Variants in MAGI2 observed in about 807,000 individuals in gnomAD.
The protein encoded by MAGI2 is membrane associated guanylate kinase, WW and PDZ domain containing 2.
Under a neutral mutation model 133.3 loss-of-function variants are expected in MAGI2, and 35 were observed. The observed-to-expected ratio is 0.26, with a 90% CI of 0.20 to 0.35. The LOEUF (loss-of-function observed/expected upper bound fraction) is 0.35, where lower values mean the gene tolerates loss of function less well. Ranked by LOEUF, MAGI2 falls within the 10% of genes least tolerant of loss-of-function variation. The pLI, the probability that MAGI2 is intolerant of heterozygous loss-of-function variation, is 1.00. For missense variants in MAGI2, 1,636 were observed against 1,863.4 expected (o/e 0.88, Z 2.25); for synonymous variants, 729 against 710.6 (o/e 1.03, Z -0.41).
chr7:78,031,282 G>A (rs1809541515), intron 21 of MAGI2, among the ~76,000 whole-genome samples: 1 of 152,122 alleles, frequency 6.6e-6, no homozygotes, highest in Admixed American at 6.5e-5. Flanking sequence ...CTTAATTATG[G>A]TAGTGATGAT....
intron 6 of MAGI2, among the ~76,000 whole-genome samples, chr7:78,426,084 G>A (rs917925899): frequency 1.3e-5 from 2 of 152,144 alleles, no homozygotes. Context: ...ATTAAGGAAA[G>A]TATGACCATA....
intron 2 of MAGI2, among the ~76,000 whole-genome samples, chr7:79,002,500 T>C (rs1806971272): frequency 6.6e-6 from 1 of 152,168 alleles, no homozygotes; most frequent in Non-Finnish European, 1.5e-5. Context: ...TCACTCATTA[T>C]GTGCCCAACA....
At chr7:78,490,948 G>A (rs1793548926) in intron 5 of MAGI2, among the ~76,000 whole-genome samples, 1 of 152,014 alleles carries the variant, frequency 6.6e-6, no homozygotes, top group Non-Finnish European at 1.5e-5. Flanking sequence ...AACATGAAAG[G>A]AAGAATAGAA....
chr7:78,077,815 C>T (rs1015840497), intron 21 of MAGI2, among the ~76,000 whole-genome samples: 6 of 141,580 alleles, frequency 4.2e-5, no homozygotes, highest in African/African-American at 1.4e-4. Flanking sequence ...CTGCAATCTC[C>T]GCCTCCTGGG....
chr7:78,844,674 G>A (rs1308766017), intron 2 of MAGI2, among the ~76,000 whole-genome samples: 4 of 151,852 alleles, frequency 2.6e-5, no homozygotes. Context: ...GCTAACAGGA[G>A]TGGGGTTTCT....
At position 78,629,216 on chromosome 7, in the gene MAGI2, G is replaced by A. The variant is rs561484816; in HGVS notation, c.419-1977C>T. Among the ~76,000 whole-genome samples the A allele has an allele frequency of 1.7e-3, 252 of 152,230 alleles. 1 individual carries two copies. Among genetic ancestry groups the A allele is most frequent in the African/African-American group, 5.8e-3 (240 of 41,526 alleles). On this transcript the variant is annotated intron_variant, in intron 2 of 21. Coordinates refer to ENST00000354212, the MANE Select transcript of MAGI2 (RefSeq NM_012301.4). ...TCTCCATCTTGCACTTCAGACCTCTGTGATTGAGTTCTTCCTTCTGTGACA... is the reference window on the plus strand; with the variant it reads ...TCTCCATCTTGCACTTCAGACCTCTATGATTGAGTTCTTCCTTCTGTGACA...
chr7:78,413,539 A>G (rs1013072566), intron 6 of MAGI2, among the ~76,000 whole-genome samples: 3 of 152,066 alleles, frequency 2.0e-5, no homozygotes, highest in Non-Finnish European at 4.4e-5. Flanking sequence ...AAACAGTTGG[A>G]AGTGTGATTC....
At chr7:78,174,575 A>G (rs1563216635) in intron 14 of MAGI2, among the ~76,000 whole-genome samples, 1 of 152,246 alleles carries the variant, frequency 6.6e-6, no homozygotes, top group Non-Finnish European at 1.5e-5. Flanking sequence ...CCCAAAGTGA[A>G]GTCTGGCCAT....
chr7:78,053,295 A>G (rs963385692), intron 21 of MAGI2, among the ~76,000 whole-genome samples: 6 of 152,236 alleles, frequency 3.9e-5, no homozygotes, highest in South Asian at 2.1e-4. Context: ...TTAGAACATT[A>G]GTCTTTCAAA....
At chr7:78,283,161 T>A (rs1438697921) in intron 9 of MAGI2, among the ~76,000 whole-genome samples, 1 of 152,262 alleles carries the variant, frequency 6.6e-6, no homozygotes, top group South Asian at 2.1e-4. Flanking sequence ...ATTTTCCTAG[T>A]ACAATGTGTT....
At chr7:78,104,551 CT>C (rs1294748943) in intron 20 of MAGI2, among the ~76,000 whole-genome samples, 1 of 152,052 alleles carries the variant, frequency 6.6e-6, no homozygotes, top group East Asian at 1.9e-4. Context: ...CTTCTACAGC[CT>C]AGTCCCATGC....
intron 1 of MAGI2, among the ~76,000 whole-genome samples, chr7:79,210,750 G>A (rs992146524): frequency 1.3e-5 from 2 of 151,712 alleles, no homozygotes; most frequent in African/African-American, 2.4e-5. Context: ...GCTCTCTTTG[G>A]GATGCACTTC....
chr7:79,136,028 GGAAA>G lies in MAGI2; in HGVS notation c.302-128826_302-128823del, dbSNP rs761493818. Reference sequence around the variant, plus strand: ...GAGAAAGAAAGAAAGAAAGAAAGAAGGAAAGAAAGAAAGAAAGAAGGAAAGAAAG... The same window carrying G: ...GAGAAAGAAAGAAAGAAAGAAAGAAGGAAAGAAAGAAAGAAGGAAAGAAAG... On this transcript the variant is annotated intron_variant, in intron 1 of 21. Transcript: ENST00000354212. Among the ~76,000 whole-genome samples the G allele has an allele frequency of 6.0e-3, 311 of 51,632 alleles. 1 individual carries two copies. The highest frequency in any genetic ancestry group is 0.029 in the Admixed American group (144 of 5,002). The allele number at this position is 51,632 out of a possible 152,430, so 33.9% of individuals were successfully genotyped here.
intron 2 of MAGI2, among the ~76,000 whole-genome samples, chr7:79,004,325 G>C (rs1807211322): frequency 6.6e-6 from 1 of 152,142 alleles, no homozygotes; most frequent in African/African-American, 2.4e-5. Context: ...CAGAAGTGGA[G>C]ATCACTATGT....
intron 1 of MAGI2, among the ~76,000 whole-genome samples, chr7:79,417,137 C>G (rs1846590516): frequency 6.6e-6 from 1 of 152,132 alleles, no homozygotes; most frequent in African/African-American, 2.4e-5. Flanking sequence ...AACTATACCT[C>G]CTCTACAATG....
At chr7:78,692,473 G>T (rs1436773176) in intron 2 of MAGI2, among the ~76,000 whole-genome samples, 2 of 152,126 alleles carry the variant, frequency 1.3e-5, no homozygotes, top group Admixed American at 1.3e-4. Flanking sequence ...GGTCTGGAAA[G>T]AAACATTCTG....
rs144918653 is a variant in MAGI2, at chr7:78,629,393, C to CT, written c.419-2155dup. On this transcript the variant is annotated intron_variant, in intron 2 of 21. Coordinates refer to ENST00000354212, the MANE Select transcript of MAGI2 (RefSeq NM_012301.4). ...CCATCTTTGACATCAGTTTCTGATC[C>CT]TTTTTTCCTATTCTGTTCTTCTTTC... Among the ~76,000 whole-genome samples, 1,387 of 152,272 alleles carry CT rather than the reference C, an allele frequency of 9.1e-3. 21 individuals carry two copies. The highest frequency in any genetic ancestry group is 0.032 in the African/African-American group (1,315 of 41,546).
rs1229912840 is a variant in MAGI2, at chr7:78,259,347, T to C, written c.1409-2766A>G. On this transcript the variant is annotated intron_variant, in intron 9 of 21. Coordinates refer to ENST00000354212, the MANE Select transcript of MAGI2 (RefSeq NM_012301.4). ...GTCTGAGTTCTAGTTTCATCACTTA[T>C]TAGCTGTATAACTTTCCCAAACTGG... Among the ~76,000 whole-genome samples the C allele has an allele frequency of 3.3e-5, 5 of 152,258 alleles. No homozygotes were observed. In the East Asian group the frequency reaches 9.6e-4, roughly 29 times the overall value.
At chr7:78,806,151 C>T (rs1788561306) in intron 2 of MAGI2, among the ~76,000 whole-genome samples, 1 of 152,020 alleles carries the variant, frequency 6.6e-6, no homozygotes, top group Non-Finnish European at 1.5e-5. Flanking sequence ...AGTGATACTG[C>T]TTATAGAGGA....
Sources: gnomAD v4.1 joint callset for allele counts (sites outside exome capture counted in the v4.1 genomes callset) on GRCh38, gnomAD v4.1.1 for gene constraint, MANE v1.5 for transcripts, NCBI Gene and HGNC (gene_info 2026-07-23, HGNC 2026-07-21) for gene names.